SNX24: variants seen among roughly 807,000 people sequenced by gnomAD.
SNX24 encodes sorting nexin 24, also known as sorting nexin-24.
A neutral mutation model predicts 28.7 loss-of-function variants in SNX24; 22 were observed. That is an observed-to-expected ratio of 0.77 (90% confidence interval 0.55 to 1.10). SNX24 has a LOEUF of 1.10. Among genes scored for constraint, SNX24 ranks in the 50% least tolerant of loss-of-function variants. SNX24 has a pLI of 0.00. For synonymous variants in SNX24, 69 were observed against 71.5 expected, an observed-to-expected ratio of 0.96 and a Z score of 0.18; for missense variants, 221 against 201.1, an observed-to-expected ratio of 1.10 and a Z score of -0.60.
At chr5:122,867,318 G>T (rs973025310) in intron 1 of SNX24, among the ~76,000 whole-genome samples, 2 of 152,208 alleles carry the variant, frequency 1.3e-5, no homozygotes, top group Admixed American at 6.5e-5. Context: ...GTCCAGGGAT[G>T]ATAGTTCTGG....
chr5:122,885,496 C>CTAAT (rs1756668500), intron 1 of SNX24, among the ~76,000 whole-genome samples: 2 of 152,248 alleles, frequency 1.3e-5, no homozygotes, highest in Admixed American at 6.5e-5. Context: ...TTCCCCCCTT[C>CTAAT]TAATGCCTTA....
downstream of SNX24, chr5:123,009,278 C>A (rs1762512737): frequency 3.3e-6 from 3 of 907,966 alleles, no homozygotes; most frequent in Non-Finnish European, 4.0e-6. Context: ...CACACACACA[C>A]ATATGTGCAC....
At chr5:122,862,724 T>G (rs531323532) in intron 1 of SNX24, among the ~76,000 whole-genome samples, 1 of 151,272 alleles carries the variant, frequency 6.6e-6, no homozygotes, top group East Asian at 1.9e-4. Context: ...TGGAAGAGAT[T>G]GATAAAAACC....
intron 1 of SNX24, among the ~76,000 whole-genome samples, chr5:122,922,010 G>A (rs1758453477): frequency 6.6e-6 from 1 of 152,150 alleles, no homozygotes; most frequent in Admixed American, 6.5e-5. Context: ...GGCTCCTTAT[G>A]TATGGTTTTA....
chr5:123,027,533 C>T (rs567927478), intron 5 of SNX24, among the ~76,000 whole-genome samples: 2 of 152,282 alleles, frequency 1.3e-5, no homozygotes, highest in East Asian at 3.9e-4. Flanking sequence ...GATCCACGAG[C>T]GTCCTCAGCA....
intron 5 of SNX24, among the ~76,000 whole-genome samples, chr5:123,018,129 T>C (rs191616337): frequency 1.5e-4 from 23 of 151,834 alleles, no homozygotes; most frequent in Admixed American, 1.1e-3. Context: ...GAGCCCCACA[T>C]TGAGTACCCA....
At chr5:122,928,736 A>T (rs1208358640) in intron 1 of SNX24, among the ~76,000 whole-genome samples, 2 of 151,890 alleles carry the variant, frequency 1.3e-5, no homozygotes, top group East Asian at 4.0e-4. Flanking sequence ...AGACTTGAAC[A>T]GATAAACCAA....
intron 3 of SNX24, among the ~76,000 whole-genome samples, chr5:122,947,862 T>C (rs1489963589): frequency 1.3e-5 from 2 of 152,232 alleles, no homozygotes; most frequent in African/African-American, 2.4e-5. Flanking sequence ...GTTCCCCTCA[T>C]TGTATTTGAC....
chr5:122,917,547 C>T (rs368125523), intron 1 of SNX24, among the ~76,000 whole-genome samples: 4 of 152,212 alleles, frequency 2.6e-5, no homozygotes, highest in East Asian at 1.9e-4. Flanking sequence ...ACATTCAGGA[C>T]GGAGGATCTG....
intron 1 of SNX24, among the ~76,000 whole-genome samples, chr5:122,868,251 A>G (rs1021669314): frequency 6.6e-6 from 1 of 152,080 alleles, no homozygotes; most frequent in Non-Finnish European, 1.5e-5. Flanking sequence ...GGTTCATCTC[A>G]TATATACTAT....
intron 2 of SNX24, among the ~76,000 whole-genome samples, chr5:122,938,939 C>CAAAAAA (rs1033177759): frequency 6.9e-4 from 1 of 1,442 alleles, no homozygotes; most frequent in Non-Finnish European, 9.0e-4. Context: ...GACTCCGTCT[C>CAAAAAA]AAAAAAAAAA....
At chr5:122,890,056 G>T (rs909981511) in intron 1 of SNX24, among the ~76,000 whole-genome samples, 1 of 151,988 alleles carries the variant, frequency 6.6e-6, no homozygotes, top group East Asian at 1.9e-4. Flanking sequence ...AAAGAGACAG[G>T]CCAGTTGAGA....
At position 122,999,766 on chromosome 5, in the gene SNX24, A is replaced by G; in HGVS notation, c.250-146A>G. On this transcript the variant is annotated intron_variant, in intron 3 of 6. Coordinates refer to ENST00000261369, the MANE Select transcript of SNX24 (RefSeq NM_014035.4). ...TGTCAGCCCGAATTCCTGGTGGGCA[A>G]AACAGAGACCACTCCTCATCTTGAC... 3 of 659,922 alleles carry G rather than the reference A, an allele frequency of 4.5e-6. No individual in the cohort carries two copies. The Admixed American group carries it at 6.9e-5, about 15-fold the overall frequency. 40.9% of individuals were successfully genotyped at this position (659,922 alleles called of 1,614,324 possible).
intron 2 of SNX24, among the ~76,000 whole-genome samples, chr5:122,938,455 TTG>T (rs1251394660): frequency 2.0e-5 from 3 of 152,222 alleles, no homozygotes; most frequent in African/African-American, 7.2e-5. Flanking sequence ...ATTTTGAATA[TTG>T]TTGGCAGCCT....
chr5:122,939,244 C>T (rs1472701591), intron 2 of SNX24, among the ~76,000 whole-genome samples: 3 of 152,166 alleles, frequency 2.0e-5, no homozygotes, highest in African/African-American at 4.8e-5. Flanking sequence ...TCTGTTGTTA[C>T]TTAATTCTCT....
chr5:122,992,260 A>T (rs149856599), intron 3 of SNX24, among the ~76,000 whole-genome samples: 4 of 152,264 alleles, frequency 2.6e-5, no homozygotes, highest in African/African-American at 9.6e-5. Flanking sequence ...GATGAACACT[A>T]CTACATATGT....
intron 1 of SNX24, among the ~76,000 whole-genome samples, chr5:122,873,561 C>T (rs1756080399): frequency 6.6e-6 from 1 of 152,058 alleles, no homozygotes; most frequent in Non-Finnish European, 1.5e-5. Flanking sequence ...TAGATGAGGG[C>T]TGGGTGAAGG....
intron 1 of SNX24, among the ~76,000 whole-genome samples, chr5:122,912,740 T>TG (rs1289983617): frequency 2.6e-5 from 4 of 151,900 alleles, no homozygotes; most frequent in Non-Finnish European, 4.4e-5. Context: ...GTGGGTTTTT[T>TG]TTTTTTTTTT....
At chr5:123,024,821 T>G (rs1216390178) in intron 5 of SNX24, among the ~76,000 whole-genome samples, 1 of 151,990 alleles carries the variant, frequency 6.6e-6, no homozygotes. Flanking sequence ...AAATGAAACA[T>G]GGAAGAGGGA....
Sources: allele counts gnomAD v4.1 joint callset (sites outside exome capture counted in the v4.1 genomes callset), GRCh38; gene constraint gnomAD v4.1.1; transcripts MANE v1.5; gene names NCBI Gene and HGNC (gene_info 2026-07-23, HGNC 2026-07-21).